PARM1: variants seen among roughly 807,000 people sequenced by gnomAD.
The protein encoded by PARM1 is WSC4, cell wall integrity and stress response component 4 homolog.
PARM1 carries 14 observed loss-of-function variants against 24.6 expected under a neutral mutation model. The observed-to-expected ratio is 0.57, with a 90% confidence interval of 0.38 to 0.89. The LOEUF is 0.89. Among genes scored for constraint, PARM1 ranks in the 40% least tolerant of loss-of-function variants. The probability of loss-of-function intolerance (pLI) is 0.00; values close to 1 mark genes in which losing one functional copy is unlikely to be tolerated. For missense variants in PARM1, 362 were observed against 380.4 expected, an observed-to-expected ratio of 0.95 and a Z score of 0.40; for synonymous variants, 179 against 156.6, an observed-to-expected ratio of 1.14 and a Z score of -1.07.
chr4:74,965,938 T>G (rs1442317325), intron 1 of PARM1, among the ~76,000 whole-genome samples: 1 of 152,170 alleles, frequency 6.6e-6, no homozygotes, highest in Non-Finnish European at 1.5e-5. Context: ...TAAAAACTGG[T>G]GAAATTCAAA....
chr4:74,936,901 C>T (rs2109978591), intron 1 of PARM1, among the ~76,000 whole-genome samples: 1 of 152,274 alleles, frequency 6.6e-6, no homozygotes, highest in South Asian at 2.1e-4. Flanking sequence ...CCTCATGGTC[C>T]TATTTCTACC....
rs966125265 is a variant in PARM1, at chr4:74,933,475, G to T, written c.43+105G>T. On this transcript the variant is annotated intron_variant, in intron 1 of 3. Transcript: ENST00000307428. The stretch of plus-strand genomic sequence containing the variant: ...GAGATCCGGCAGTGAGTCGCCGCGC[G>T]CCTCCGGGTGAGTGCGCAGGTGTGT... 2.3e-5 allele frequency: 22 copies of T among 966,192 alleles called. No individual in the cohort carries two copies. The Middle Eastern group carries it at 6.3e-4, about 28-fold the overall frequency. 59.9% of individuals were successfully genotyped at this position (966,192 alleles called of 1,614,324 possible).
Position 75,046,204 on chromosome 4 carries a change from G to A in PARM1, c.890G>A (p.Gly297Glu). The change falls in exon 4 of 4, where the codon GGG (glycine) becomes GAG (glutamate). Residue 297 changes from glycine (G) to glutamate (E), a missense_variant. Coordinates refer to ENST00000307428, the MANE Select transcript of PARM1 (RefSeq NM_015393.4). ...AGACTTTTGGACGACCATGACTACG[G>A]GTCCTGGGGAAACTACAACAACCCT... ...YGRLLDDHDYGSWGNYNNPLY... is the reference protein window; with the variant it reads ...YGRLLDDHDYESWGNYNNPLY... 6.2e-7 allele frequency: 1 copy of A among 1,613,010 alleles called. No individual in the cohort carries two copies. The highest frequency in any genetic ancestry group is 8.5e-7 in the Non-Finnish European group (1 of 1,179,100).
At chr4:75,034,075 T>A in intron 3 of PARM1, 114 bp downstream of exon 3, 1 of 824,880 alleles carries the variant, frequency 1.2e-6, no homozygotes, top group African/African-American at 1.7e-5. Flanking sequence ...TTAGAAATAT[T>A]GGCAGAGAAG....
chr4:75,046,140 A>G (rs1195211621), intron 3 of PARM1, 23 bp from the exon 4 acceptor site: 1 of 1,555,390 alleles, frequency 6.4e-7, no homozygotes, highest in African/African-American at 1.4e-5. Flanking sequence ...AGTAATCACA[A>G]CCCTCTTCTG....
At chr4:74,935,121 C>T (rs1721153220) in intron 1 of PARM1, among the ~76,000 whole-genome samples, 1 of 151,878 alleles carries the variant, frequency 6.6e-6, no homozygotes, top group South Asian at 2.1e-4. Context: ...CGGCTGAGCA[C>T]CACTCCTACC....
rs2109819144 is a variant in PARM1 at position 75,046,366 on chromosome 4, A to C, written c.*119A>C. On this transcript the variant is annotated 3_prime_UTR_variant, in exon 4 of 4. Coordinates refer to ENST00000307428, the MANE Select transcript of PARM1 (RefSeq NM_015393.4). Reference sequence around the variant, plus strand: ...CAATCTTAAGCCCTGTTTTGTTGGTATGGTTGTTTTTGTTTTCCTCCCTCT... The same window carrying C: ...CAATCTTAAGCCCTGTTTTGTTGGTCTGGTTGTTTTTGTTTTCCTCCCTCT... The C allele has an allele frequency of 1.5e-6, 1 of 668,580 alleles. No homozygotes were observed. Among genetic ancestry groups the C allele is most frequent in the East Asian group, 2.9e-5 (1 of 34,320 alleles). The allele number at this position is 668,580 out of a possible 1,614,324, so 41.4% of individuals were successfully genotyped here.
At chr4:75,023,421 G>A (rs1380117728) in intron 2 of PARM1, among the ~76,000 whole-genome samples, 2 of 152,166 alleles carry the variant, frequency 1.3e-5, no homozygotes, top group African/African-American at 2.4e-5. Context: ...CTACATAAAC[G>A]TTAGCTATTA....
intron 1 of PARM1, among the ~76,000 whole-genome samples, chr4:74,998,669 T>G (rs535942031): frequency 6.6e-6 from 1 of 152,328 alleles, no homozygotes; most frequent in African/African-American, 2.4e-5. Flanking sequence ...GAAATAAGAT[T>G]TATCCCAGCT....
At chr4:75,001,798 C>T in intron 1 of PARM1, among the ~76,000 whole-genome samples, 1 of 152,068 alleles carries the variant, frequency 6.6e-6, no homozygotes, top group African/African-American at 2.4e-5. Context: ...TTTCCTCTCC[C>T]CCATCAGAGG....
chr4:74,939,654 A>T (rs1015553058), intron 1 of PARM1, among the ~76,000 whole-genome samples: 22 of 152,128 alleles, frequency 1.4e-4, no homozygotes, highest in African/African-American at 4.6e-4. Flanking sequence ...GTCTATTGGT[A>T]TTACTTGGAA....
intron 1 of PARM1, among the ~76,000 whole-genome samples, chr4:74,985,999 C>T (rs1191841638): frequency 6.6e-6 from 1 of 152,132 alleles, no homozygotes; most frequent in Non-Finnish European, 1.5e-5. Flanking sequence ...AAACTCCTGA[C>T]CTCGTGATCC....
chr4:75,005,415 A>G (rs1238658226), intron 1 of PARM1, among the ~76,000 whole-genome samples: 3 of 152,238 alleles, frequency 2.0e-5, no homozygotes, highest in African/African-American at 7.2e-5. Context: ...CAACTCTGCC[A>G]CTGGCCCAGG....
At chr4:75,023,397 T>C (rs1723123388) in intron 2 of PARM1, among the ~76,000 whole-genome samples, 1 of 152,216 alleles carries the variant, frequency 6.6e-6, no homozygotes, top group Non-Finnish European at 1.5e-5. Context: ...AAAGTGCCTC[T>C]TACATAGTAA....
Position 75,049,735 on chromosome 4 carries a change from T to C in PARM1, c.*3488T>C, listed in dbSNP as rs1450338571. 1 of 152,662 alleles carries C rather than the reference T, an allele frequency of 6.6e-6. No homozygotes were observed. The highest frequency in any genetic ancestry group is 1.5e-5 in the Non-Finnish European group (1 of 68,048). 9.5% of individuals were successfully genotyped at this position (152,662 alleles called of 1,614,324 possible). A position where few individuals can be genotyped will look rare whatever the true frequency, so the allele number is the denominator to read the frequency against. On this transcript the variant is annotated 3_prime_UTR_variant, in exon 4 of 4. Coordinates refer to ENST00000307428, the MANE Select transcript of PARM1 (RefSeq NM_015393.4). Reference sequence around the variant, plus strand: ...TGGGGTTAATTTTGATTTGATGTCATCTGTTTGCCCTTCATCTTGCTTGCA... The same window carrying C: ...TGGGGTTAATTTTGATTTGATGTCACCTGTTTGCCCTTCATCTTGCTTGCA...
intron 1 of PARM1, among the ~76,000 whole-genome samples, chr4:75,011,597 CAATG>C (rs1722872053): frequency 6.6e-6 from 1 of 152,014 alleles, no homozygotes; most frequent in African/African-American, 2.4e-5. Context: ...TTGAATGAGT[CAATG>C]AATGAAACCA....
intron 2 of PARM1, among the ~76,000 whole-genome samples, chr4:75,016,790 C>T (rs1231841475): frequency 6.6e-6 from 1 of 152,086 alleles, no homozygotes; most frequent in Non-Finnish European, 1.5e-5. Flanking sequence ...ATCTCTCCAC[C>T]GTCACTCCTG....
chr4:74,971,516 A>G (rs1722037330), intron 1 of PARM1, among the ~76,000 whole-genome samples: 1 of 152,178 alleles, frequency 6.6e-6, no homozygotes, highest in Non-Finnish European at 1.5e-5. Context: ...AATCAATGGC[A>G]TATCCTATTT....
chr4:74,981,975 G>T (rs1722266278), intron 1 of PARM1, among the ~76,000 whole-genome samples: 1 of 150,916 alleles, frequency 6.6e-6, no homozygotes, highest in South Asian at 2.1e-4. Context: ...AAATCATTCT[G>T]TTATAAGATA....
Sources: allele counts gnomAD v4.1 joint callset (sites outside exome capture counted in the v4.1 genomes callset), GRCh38; gene constraint gnomAD v4.1.1; transcripts MANE v1.5; gene names NCBI Gene and HGNC (gene_info 2026-07-23, HGNC 2026-07-21).